Variants in RSU1 observed in about 807,000 individuals in gnomAD.
RSU1 encodes the protein Ras suppressor protein 1.
In RSU1, 26 loss-of-function variants were observed where a neutral mutation model predicts 31.1. The observed-to-expected ratio is 0.84, with a 90% CI of 0.61 to 1.16. The LOEUF (loss-of-function observed/expected upper bound fraction) is 1.16, where lower values mean the gene tolerates loss of function less well. Ranked by LOEUF, RSU1 falls within the 50% of genes most tolerant of loss-of-function variation. The probability of loss-of-function intolerance (pLI) is 0.00; values close to 1 mark genes in which losing one functional copy is unlikely to be tolerated. For synonymous variants in RSU1, 164 were observed against 136.3 expected (o/e 1.20, Z -1.41); for missense variants, 320 against 339.1 (o/e 0.94, Z 0.44).
chr10:16,675,689 CA>C (rs1441034867), intron 8 of RSU1, among the ~76,000 whole-genome samples: 1 of 152,088 alleles, frequency 6.6e-6, no homozygotes, highest in Non-Finnish European at 1.5e-5. Flanking sequence ...ATAGTAAGGA[CA>C]AAATAAATGT....
At chr10:16,637,780 G>A (rs767379388) in intron 8 of RSU1, among the ~76,000 whole-genome samples, 7 of 151,316 alleles carry the variant, frequency 4.6e-5, no homozygotes, top group Non-Finnish European at 8.8e-5. Context: ...AAGACCAAGC[G>A]CTGACTAACG....
At chr10:16,756,045 T>A (rs775944534) in intron 4 of RSU1, among the ~76,000 whole-genome samples, 8 of 152,216 alleles carry the variant, frequency 5.3e-5, no homozygotes, top group Admixed American at 2.6e-4. Flanking sequence ...AATATACACA[T>A]GAAGCTTTGT....
chr10:16,637,917 A>G (rs1201169355), intron 8 of RSU1, among the ~76,000 whole-genome samples: 1 of 152,196 alleles, frequency 6.6e-6, no homozygotes, highest in Non-Finnish European at 1.5e-5. Flanking sequence ...TAGACTCTGA[A>G]CAATTAAAGC....
rs1005036832 is a variant in RSU1, at chr10:16,620,620, C to T, written c.732-27124G>A. On this transcript the variant is annotated intron_variant, in intron 8 of 8. Coordinates refer to ENST00000345264, the MANE Select transcript of RSU1 (RefSeq NM_012425.4). ...CAGCACTTTGGGAGGCCGAGGCGGG[C>T]GGATCATGAAGTCAGGAGATCAAGA... 6.0e-5 allele frequency among the ~76,000 whole-genome samples: 9 copies of T among 150,974 alleles called. No individual in the cohort carries two copies. The East Asian group carries it at 9.7e-4, about 16-fold the overall frequency.
intron 3 of RSU1, among the ~76,000 whole-genome samples, chr10:16,781,401 C>G (rs955291275): frequency 2.6e-5 from 4 of 152,278 alleles, no homozygotes; most frequent in African/African-American, 9.6e-5. Flanking sequence ...TTGAAAAATG[C>G]AGATGTAAAG....
intron 7 of RSU1, among the ~76,000 whole-genome samples, chr10:16,703,881 T>C (rs1835843524): frequency 6.6e-6 from 1 of 152,224 alleles, no homozygotes. Flanking sequence ...CCTTTTCTGT[T>C]TCCCAGATTT....
At chr10:16,756,494 G>T (rs1837089040) in intron 4 of RSU1, among the ~76,000 whole-genome samples, 1 of 152,108 alleles carries the variant, frequency 6.6e-6, no homozygotes, top group Admixed American at 6.5e-5. Context: ...TCAACATGAA[G>T]AGGACGAAGA....
At chr10:16,593,572 G>C in intron 8 of RSU1, 76 bp from the exon 9 acceptor site, 2 of 1,118,780 alleles carry the variant, frequency 1.8e-6, no homozygotes, top group Non-Finnish European at 2.7e-6. Context: ...GAGCTTTCAG[G>C]AATAGAAGAA....
rs193176998 is a variant in RSU1, at chr10:16,785,672, G to C, written c.110-3588C>G. On this transcript the variant is annotated intron_variant, in intron 2 of 8. Coordinates refer to ENST00000345264, the MANE Select transcript of RSU1 (RefSeq NM_012425.4). ...TTACAATTCCACATGACGTTTGGTGGGGACACGGATCCAAACCATATCAGC... is the reference window on the plus strand; with the variant it reads ...TTACAATTCCACATGACGTTTGGTGCGGACACGGATCCAAACCATATCAGC... Among the ~76,000 whole-genome samples the C allele has an allele frequency of 5.6e-4, 84 of 149,608 alleles. 1 individual carries two copies. The East Asian group carries it at 0.015, about 27-fold the overall frequency.
At chr10:16,608,442 C>T (rs1833840277) in intron 8 of RSU1, among the ~76,000 whole-genome samples, 1 of 152,098 alleles carries the variant, frequency 6.6e-6, no homozygotes, top group Non-Finnish European at 1.5e-5. Flanking sequence ...GTGCATTATC[C>T]ATGCGGCTCT....
intron 8 of RSU1, among the ~76,000 whole-genome samples, chr10:16,617,034 G>A (rs1339295389): frequency 6.6e-6 from 1 of 152,196 alleles, no homozygotes; most frequent in Non-Finnish European, 1.5e-5. Flanking sequence ...AGGAAGAGAG[G>A]AAGTCAAATT....
Position 16,591,364 on chromosome 10 carries a change from G to A in RSU1, c.*2030C>T, listed in dbSNP as rs143433230. On this transcript the variant is annotated 3_prime_UTR_variant, in exon 9 of 9. Transcript: ENST00000345264. ...ATTCCTAAACATTGCAGTTTGTGGGGATCTCGGATAATTTCCTCAGGATAC... is the reference window on the plus strand; with the variant it reads ...ATTCCTAAACATTGCAGTTTGTGGGAATCTCGGATAATTTCCTCAGGATAC... 3.7e-4 allele frequency: 56 copies of A among 152,242 alleles called. No individual in the cohort carries two copies. The highest frequency in any genetic ancestry group is 1.3e-3 in the African/African-American group (54 of 41,534). The allele number at this position is 152,242 out of a possible 1,614,324, so 9.4% of individuals were successfully genotyped here. A position where few individuals can be genotyped will look rare whatever the true frequency, so the allele number is the denominator to read the frequency against.
At chr10:16,752,044 G>A (rs548674502) in intron 7 of RSU1, among the ~76,000 whole-genome samples, 2 of 152,312 alleles carry the variant, frequency 1.3e-5, no homozygotes, top group African/African-American at 4.8e-5. Context: ...GGGATCAGGA[G>A]AGAGGCAAAT....
intron 8 of RSU1, among the ~76,000 whole-genome samples, chr10:16,601,839 C>T (rs1000368251): frequency 2.6e-5 from 4 of 152,136 alleles, no homozygotes; most frequent in African/African-American, 7.2e-5. Flanking sequence ...AGTTCTGCCA[C>T]CTATTAGCTG....
chr10:16,786,911 G>C (rs1837803297), intron 2 of RSU1, among the ~76,000 whole-genome samples: 1 of 152,184 alleles, frequency 6.6e-6, no homozygotes, highest in Non-Finnish European at 1.5e-5. Context: ...AAGATAAGGA[G>C]GAGTGGGCCA....
At position 16,597,445 on chromosome 10, in the gene RSU1, A is replaced by C. The variant is rs1185397044; in HGVS notation, c.732-3949T>G. Reference sequence around the variant, plus strand: ...CAGTGGCCCTGAACTTGCTGCTCAAATCCTGCTTTTGACGTTTATTAGCTG... The same window carrying C: ...CAGTGGCCCTGAACTTGCTGCTCAACTCCTGCTTTTGACGTTTATTAGCTG... On this transcript the variant is annotated intron_variant, in intron 8 of 8. Transcript: ENST00000345264. 2.0e-5 allele frequency among the ~76,000 whole-genome samples: 3 copies of C among 152,116 alleles called. No individual in the cohort carries two copies. The East Asian group carries it at 5.8e-4, about 29-fold the overall frequency.
chr10:16,736,012 C>A (rs1221897456), intron 7 of RSU1, among the ~76,000 whole-genome samples: 1 of 152,036 alleles, frequency 6.6e-6, no homozygotes, highest in African/African-American at 2.4e-5. Flanking sequence ...GACAGCTGTG[C>A]AAGAGTGGAT....
At chr10:16,744,635 A>G (rs1836814360) in intron 7 of RSU1, among the ~76,000 whole-genome samples, 1 of 152,218 alleles carries the variant, frequency 6.6e-6, no homozygotes, top group Non-Finnish European at 1.5e-5. Flanking sequence ...GAATGGGTGA[A>G]TGAGTGAATG....
At chr10:16,764,609 A>G (rs1200328748) in intron 3 of RSU1, 99 bp from the exon 4 acceptor site, 4 of 1,321,176 alleles carry the variant, frequency 3.0e-6, no homozygotes, top group Non-Finnish European at 4.2e-6. Context: ...AAAGAAAGAC[A>G]TAACTTCAAA....
Sources: allele counts gnomAD v4.1 joint callset (sites outside exome capture counted in the v4.1 genomes callset), GRCh38; gene constraint gnomAD v4.1.1; transcripts MANE v1.5; gene names NCBI Gene and HGNC (gene_info 2026-07-23, HGNC 2026-07-21).